The following ARHGEF5 variants were observed in gnomAD, a reference collection of about 807,000 sequenced individuals.
The protein encoded by ARHGEF5 is Rho guanine nucleotide exchange factor (GEF) 5.
A neutral mutation model predicts 104.0 loss-of-function variants in ARHGEF5; 11 were observed. The ratio of observed to expected loss-of-function variants is 0.11; its 90% CI spans 0.07 to 0.18. ARHGEF5 has a LOEUF of 0.18. Ranked by LOEUF, ARHGEF5 falls within the 10% of genes least tolerant of loss-of-function variation. ARHGEF5 has a pLI of 1.00. For missense variants in ARHGEF5, 165 were observed against 1,335.4 expected, an observed-to-expected ratio of 0.12 and a Z score of 13.66; for synonymous variants, 60 against 512.2, an observed-to-expected ratio of 0.12 and a Z score of 11.92.
chr7:144,360,957 T>A (rs2699510), intron 1 of ARHGEF5, among the ~76,000 whole-genome samples: 3 of 145,956 alleles, frequency 2.1e-5, no homozygotes, highest in African/African-American at 2.5e-5. Flanking sequence ...AGGCCAGGTG[T>A]GGTGGCTTAC....
intron 5 of ARHGEF5, among the ~76,000 whole-genome samples, chr7:144,370,256 C>CA (rs1306693768): frequency 1.3e-5 from 2 of 148,756 alleles, no homozygotes; most frequent in Non-Finnish European, 3.0e-5. Flanking sequence ...ATCTCAATTC[C>CA]AAAAAATAAA....
chr7:144,357,731 G>A (rs2053608451), intron 1 of ARHGEF5, among the ~76,000 whole-genome samples: 1 of 152,030 alleles, frequency 6.6e-6, no homozygotes, highest in South Asian at 2.1e-4. Flanking sequence ...GTGTTGGGGG[G>A]GGCTCTAGGG....
chr7:144,366,116 TCTC>T (rs2053692550), intron 2 of ARHGEF5: 1 of 150,342 alleles, frequency 6.7e-6, no homozygotes, highest in Admixed American at 7.7e-5. Context: ...CCCTGCTTGC[TCTC>T]CTCCTGGGGA....
chr7:144,357,728 G>C (rs1290258447), intron 1 of ARHGEF5, among the ~76,000 whole-genome samples: 1 of 151,974 alleles, frequency 6.6e-6, no homozygotes, highest in African/African-American at 2.4e-5. Flanking sequence ...AAGGTGTTGG[G>C]GGGGGCTCTA....
In ARHGEF5 at chr7:144,360,191, G is replaced by C. The variant is rs1454448867; in HGVS notation, c.-12-2467G>C. Among the ~76,000 whole-genome samples the C allele has an allele frequency of 1.7e-5, 2 of 118,954 alleles. 1 individual carries two copies. The highest frequency in any genetic ancestry group is 6.5e-5 in the African/African-American group (2 of 30,916). 78.0% of individuals were successfully genotyped at this position (118,954 alleles called of 152,430 possible). A position where few individuals can be genotyped will look rare whatever the true frequency, so the allele number is the denominator to read the frequency against. ...GGCTCACTGCAGCCTCTGCCTCCTGGGCTCAAGGGATCCTCCCAGGATCCC... is the reference window on the plus strand; with the variant it reads ...GGCTCACTGCAGCCTCTGCCTCCTGCGCTCAAGGGATCCTCCCAGGATCCC... On this transcript the variant is annotated intron_variant, in intron 1 of 14. Transcript: ENST00000056217.
chr7:144,374,709 C>A (rs1467978972), intron 10 of ARHGEF5, 23 bp from the exon 11 acceptor site: 2 of 834,864 alleles, frequency 2.4e-6, no homozygotes, highest in African/African-American at 3.4e-5. Flanking sequence ...ACACTGCCTT[C>A]TCTCTCTTCC....
At chr7:144,377,302 C>T (rs1366264898) in intron 13 of ARHGEF5, 112 bp downstream of exon 13, 60 of 1,530,570 alleles carry the variant, frequency 3.9e-5, no homozygotes, top group East Asian at 1.4e-4. Flanking sequence ...ATTGATATTC[C>T]GTAAAATGTC....
At chr7:144,379,130 G>A (rs550844375) in intron 14 of ARHGEF5, among the ~76,000 whole-genome samples, 1 of 152,194 alleles carries the variant, frequency 6.6e-6, no homozygotes. Context: ...GCTTGTGGCA[G>A]CATCCCTCCA....
intron 10 of ARHGEF5, among the ~76,000 whole-genome samples, chr7:144,374,065 C>T (rs1218554454): frequency 1.8e-5 from 2 of 113,644 alleles, no homozygotes; most frequent in Non-Finnish European, 3.8e-5. Flanking sequence ...TGATCTCCAA[C>T]TCGTAGCCTC....
rs2053658808 is a variant in ARHGEF5, at chr7:144,363,319, A to C, written c.650A>C (p.Glu217Ala). The C allele has an allele frequency of 6.3e-7, 1 of 1,592,296 alleles. No homozygotes were observed. Among genetic ancestry groups the C allele is most frequent in the Admixed American group, 1.7e-5 (1 of 59,708 alleles). The change falls in exon 2 of 15, where the codon GAA becomes GCA. Residue 217 changes from glutamate to alanine, a missense_variant. Physicochemically the swap from Glu to Ala is moderately radical, Grantham distance 107 (BLOSUM62 -1). Transcript: ENST00000056217. ...GAGCTGCCACCTGAGGAGCTGCAGG[A>C]AAGTCAAGGGCTCTTGCATCCCCAG... ...GEELPPEELQ[E>A]SQGLLHPQEV...
chr7:144,360,450 A>G (rs2053629607), intron 1 of ARHGEF5, among the ~76,000 whole-genome samples: 1 of 87,492 alleles, frequency 1.1e-5, no homozygotes, highest in Admixed American at 1.3e-4. Context: ...AATGGTACCC[A>G]TCTTATACGA....
Position 144,380,126 on chromosome 7 carries a change from T to C in ARHGEF5, c.*70T>C. On this transcript the variant is annotated 3_prime_UTR_variant, in exon 15 of 15. Coordinates refer to ENST00000056217, the MANE Select transcript of ARHGEF5 (RefSeq NM_005435.4). Reference sequence around the variant, plus strand: ...ATGGCAAGGGCTGGCCCCAGAACCCTGCAAGAGAGGCCTTCTGTGGATGGA... The same window carrying C: ...ATGGCAAGGGCTGGCCCCAGAACCCCGCAAGAGAGGCCTTCTGTGGATGGA... 1.9e-6 allele frequency: 3 copies of C among 1,581,588 alleles called. No homozygotes were observed. Among genetic ancestry groups the C allele is most frequent in the Non-Finnish European group, 2.6e-6 (3 of 1,156,500 alleles).
intron 14 of ARHGEF5, 64 bp from the exon 15 acceptor site, chr7:144,379,835 T>C: frequency 6.3e-7 from 1 of 1,595,504 alleles, no homozygotes; most frequent in South Asian, 1.1e-5. Context: ...TCCAGGAAGG[T>C]GATCCAGAGA....
intron 14 of ARHGEF5, 137 bp downstream of exon 14, chr7:144,379,003 C>T: frequency 1.2e-6 from 1 of 845,008 alleles, no homozygotes; most frequent in African/African-American, 1.7e-5. Context: ...CATTCTCTCA[C>T]AGTTCTGGAG....
In ARHGEF5 at chr7:144,378,891, C is replaced by T. The variant is rs575783305; in HGVS notation, c.4636+25C>T. 85 of 1,602,116 alleles carry T rather than the reference C, an allele frequency of 5.3e-5. 1 individual carries two copies. The South Asian group carries it at 8.6e-4, about 16-fold the overall frequency. On this transcript the variant is annotated intron_variant, in intron 14 of 14. Coordinates refer to ENST00000056217, the MANE Select transcript of ARHGEF5 (RefSeq NM_005435.4). ...GGTAAGCGGGAGCATGCGTGAGCAGCAGGCCAGGCACTGCAGGCAGGGCAG... is the reference window on the plus strand; with the variant it reads ...GGTAAGCGGGAGCATGCGTGAGCAGTAGGCCAGGCACTGCAGGCAGGGCAG...
chr7:144,360,140 A>T (rs2053627030), intron 1 of ARHGEF5, among the ~76,000 whole-genome samples: 2 of 118,566 alleles, frequency 1.7e-5, no homozygotes, highest in Non-Finnish European at 3.6e-5. Flanking sequence ...TCTGTCACCT[A>T]GGCTGGAGAG....
chr7:144,380,180 A>G lies in ARHGEF5; in HGVS notation c.*124A>G. The stretch of plus-strand genomic sequence containing the variant: ...CTAGGCCTTCTCAAAGCTCAAGGAC[A>G]AAATCCAGCTAACCCAGTCCCTCGG... On this transcript the variant is annotated 3_prime_UTR_variant, in exon 15 of 15. Coordinates refer to ENST00000056217, the MANE Select transcript of ARHGEF5 (RefSeq NM_005435.4). 1 of 1,299,896 alleles carries G rather than the reference A, an allele frequency of 7.7e-7. No individual in the cohort carries two copies. The highest frequency in any genetic ancestry group is 2.4e-5 in the East Asian group (1 of 41,986). 80.5% of individuals were successfully genotyped at this position (1,299,896 alleles called of 1,614,324 possible). A position where few individuals can be genotyped will look rare whatever the true frequency, so the allele number is the denominator to read the frequency against.
intron 1 of ARHGEF5, among the ~76,000 whole-genome samples, chr7:144,357,831 T>C (rs2053609477): frequency 7.5e-6 from 1 of 133,624 alleles, no homozygotes; most frequent in African/African-American, 2.7e-5. Flanking sequence ...GTTATGTGGA[T>C]GCAGAATGTC....
Position 144,373,231 on chromosome 7 carries a change from C to G in ARHGEF5, c.4087C>G (p.Arg1363Gly), listed in dbSNP as rs150657398. ...CTGCAATAACAATGTCCAGAGTATG[C>G]GACGGACAGAGGAACTAATCTACCT... ...RDCNNNVQSM[R>G]RTEELIYLSQ... Residue 1363 changes from arginine (R) to glycine (G), a missense_variant, in exon 10 of 15, where the codon CGA becomes GGA. Physicochemically the swap from Arg to Gly is moderately radical, Grantham distance 125. Coordinates refer to ENST00000056217, the MANE Select transcript of ARHGEF5 (RefSeq NM_005435.4). 2.1e-6 allele frequency: 3 copies of G among 1,453,444 alleles called. 1 individual carries two copies. The African/African-American group carries it at 4.9e-5, about 24-fold the overall frequency. The allele number at this position is 1,453,444 out of a possible 1,614,324, so 90.0% of individuals were successfully genotyped here.
Sources: allele counts gnomAD v4.1 joint callset (sites outside exome capture counted in the v4.1 genomes callset), GRCh38; gene constraint gnomAD v4.1.1; transcripts MANE v1.5; gene names NCBI Gene and HGNC (gene_info 2026-07-23, HGNC 2026-07-21).